Variants in FLI1 observed in about 807,000 individuals in gnomAD.
FLI1 encodes Friend leukemia integration 1 transcription factor.
A neutral mutation model predicts 53.1 loss-of-function variants in FLI1; 13 were observed. The observed-to-expected ratio is 0.24, with a 90% confidence interval of 0.16 to 0.39. The LOEUF (loss-of-function observed/expected upper bound fraction) is 0.39. FLI1 is among the 10% of genes least tolerant of loss of function. The pLI, the probability that FLI1 is intolerant of heterozygous loss-of-function variation, is 1.00. For missense variants in FLI1, 424 were observed against 600.5 expected (o/e 0.71, Z 3.07); for synonymous variants, 244 against 236.7 (o/e 1.03, Z -0.28).
chr11:128,757,385 C>T (rs1303226417), intron 1 of FLI1, among the ~76,000 whole-genome samples: 1 of 152,126 alleles, frequency 6.6e-6, no homozygotes, highest in East Asian at 1.9e-4. Flanking sequence ...GTTCCTCTTT[C>T]GTCCTTTGGC....
chr11:128,698,346 C>G (rs1486116979), intron 1 of FLI1, among the ~76,000 whole-genome samples: 1 of 152,206 alleles, frequency 6.6e-6, no homozygotes, highest in Non-Finnish European at 1.5e-5. Flanking sequence ...TCCCCGTGAC[C>G]ACACAGAATT....
At chr11:128,781,709 G>T (rs1277367972) in intron 4 of FLI1, among the ~76,000 whole-genome samples, 2 of 152,262 alleles carry the variant, frequency 1.3e-5, no homozygotes, top group Admixed American at 1.3e-4. Flanking sequence ...AGGGGGCGTG[G>T]TGTTTGTTTC....
At chr11:128,704,943 C>G (rs377102069) in intron 1 of FLI1, among the ~76,000 whole-genome samples, 1 of 152,202 alleles carries the variant, frequency 6.6e-6, no homozygotes, top group Non-Finnish European at 1.5e-5. Flanking sequence ...GCACTTGATC[C>G]CTGTAACAAC....
chr11:128,784,050 C>T (rs1942005971), intron 5 of FLI1, among the ~76,000 whole-genome samples: 3 of 152,104 alleles, frequency 2.0e-5, no homozygotes, highest in Admixed American at 2.0e-4. Context: ...CTGCTGAGTT[C>T]GGATTTTTGT....
At chr11:128,717,098 G>A (rs1168384712) in intron 1 of FLI1, among the ~76,000 whole-genome samples, 11 of 151,990 alleles carry the variant, frequency 7.2e-5, no homozygotes, top group Admixed American at 4.6e-4. Context: ...CTTGGCTTCC[G>A]GGGCACACGC....
intron 4 of FLI1, among the ~76,000 whole-genome samples, chr11:128,778,899 A>G (rs1022366273): frequency 1.2e-4 from 18 of 152,214 alleles, no homozygotes; most frequent in African/African-American, 4.3e-4. Flanking sequence ...AGCCTGGGGA[A>G]CTAATGAAGT....
At chr11:128,738,827 C>CA (rs2135769244) in intron 1 of FLI1, among the ~76,000 whole-genome samples, 1 of 152,194 alleles carries the variant, frequency 6.6e-6, no homozygotes, top group East Asian at 1.9e-4. Flanking sequence ...ATGTCAGAAC[C>CA]AAAAAACCCA....
At chr11:128,698,109 T>C (rs1448334550) in intron 1 of FLI1, among the ~76,000 whole-genome samples, 1 of 152,202 alleles carries the variant, frequency 6.6e-6, no homozygotes, top group African/African-American at 2.4e-5. Context: ...GCCAGGGTTA[T>C]GGCTGGCTCT....
At chr11:128,725,630 T>A (rs1187149645) in intron 1 of FLI1, among the ~76,000 whole-genome samples, 1 of 144,476 alleles carries the variant, frequency 6.9e-6, no homozygotes, top group Non-Finnish European at 1.5e-5. Context: ...TCATCATCCT[T>A]TCTTTCATTC....
At chr11:128,689,117 G>A (rs1446750346), upstream of FLI1, among the ~76,000 whole-genome samples, 1 of 152,190 alleles carries the variant, frequency 6.6e-6, no homozygotes. Context: ...GCACAGGGAG[G>A]TTAAGTAACT....
At chr11:128,767,537 C>T (rs1004202891) in intron 2 of FLI1, among the ~76,000 whole-genome samples, 30 of 152,308 alleles carry the variant, frequency 2.0e-4, no homozygotes, top group African/African-American at 7.2e-4. Flanking sequence ...TCGAATACAA[C>T]AGTGCATAAG....
chr11:128,714,201 G>A (rs1382591678), intron 1 of FLI1, among the ~76,000 whole-genome samples: 1 of 125,870 alleles, frequency 7.9e-6, no homozygotes, highest in Non-Finnish European at 1.6e-5. Context: ...CTCTTCACTG[G>A]CCAGAAAAAA....
At chr11:128,686,606 C>A (rs978685708) in exon 1 of FLI1, 4 of 393,358 alleles carry the variant, frequency 1.0e-5, no homozygotes, top group African/African-American at 4.2e-5. Context: ...CGCGGGTAAC[C>A]GAGGCTTCTC....
At chr11:128,799,058 C>CTTTTTTTTTTTTTTTTT (rs1942544964) in intron 5 of FLI1, among the ~76,000 whole-genome samples, 1 of 102,748 alleles carries the variant, frequency 9.7e-6, no homozygotes, top group Non-Finnish European at 2.1e-5. Context: ...TATTATTTTG[C>CTTTTTTTTTTTTTTTTT]TTTGGAGACA....
chr11:128,747,164 A>T, intron 1 of FLI1, among the ~76,000 whole-genome samples: 1 of 152,320 alleles, frequency 6.6e-6, no homozygotes, highest in East Asian at 1.9e-4. Flanking sequence ...ACAGCAGCCC[A>T]TTGTCTTGAA....
intron 5 of FLI1, among the ~76,000 whole-genome samples, chr11:128,783,937 AGGAAG>A (rs1020207360): frequency 9.3e-5 from 14 of 151,050 alleles, no homozygotes; most frequent in African/African-American, 3.4e-4. Context: ...GAGAGAGGGA[AGGAAG>A]GGAAGGGAAG....
chr11:128,782,847 A>G (rs1445176640), intron 5 of FLI1, among the ~76,000 whole-genome samples: 1 of 152,204 alleles, frequency 6.6e-6, no homozygotes, highest in Non-Finnish European at 1.5e-5. Flanking sequence ...AGAATTCCTC[A>G]GCGTCTTTAT....
chr11:128,781,365 G>A (rs1204203504), intron 4 of FLI1, among the ~76,000 whole-genome samples: 1 of 152,172 alleles, frequency 6.6e-6, no homozygotes, highest in Admixed American at 6.5e-5. Flanking sequence ...TTCTCCTCCA[G>A]GCCATGGCAA....
At chr11:128,748,364 C>G (rs1864507066) in intron 1 of FLI1, 8 of 600,736 alleles carry the variant, frequency 1.3e-5, no homozygotes, top group Non-Finnish European at 1.7e-5. Flanking sequence ...CAGCCGGGGT[C>G]CAGGCACGGT....
Sources: allele counts gnomAD v4.1 joint callset (sites outside exome capture counted in the v4.1 genomes callset), GRCh38; gene constraint gnomAD v4.1.1; transcripts MANE v1.5; gene names NCBI Gene and HGNC (gene_info 2026-07-23, HGNC 2026-07-21).